The following KAT14 variants were observed in gnomAD, a reference collection of about 807,000 sequenced individuals.
The protein encoded by KAT14 is cysteine-rich protein 2-binding protein.
A neutral mutation model predicts 78.4 loss-of-function variants in KAT14; 66 were observed. The ratio of observed to expected loss-of-function variants is 0.84; its 90% CI spans 0.69 to 1.03. The LOEUF is 1.03. Ranked by LOEUF, KAT14 falls within the 50% of genes least tolerant of loss-of-function variation. The probability of loss-of-function intolerance (pLI) is 0.00; values close to 1 mark genes in which losing one functional copy is unlikely to be tolerated. For missense variants in KAT14, 870 were observed against 972.5 expected, an observed-to-expected ratio of 0.89 and a Z score of 1.40; for synonymous variants, 344 against 359.4, an observed-to-expected ratio of 0.96 and a Z score of 0.48.
At chr20:18,184,250 T>C (rs1439060111) in intron 9 of KAT14, among the ~76,000 whole-genome samples, 2 of 152,198 alleles carry the variant, frequency 1.3e-5, no homozygotes, top group East Asian at 3.8e-4. Flanking sequence ...ATGCTCTTCA[T>C]CTTACATATT....
rs1011364858 is a variant in KAT14 at position 18,158,965 on chromosome 20, C to A, written c.501-119C>A. Reference sequence around the variant, plus strand: ...TCTCTCCTGCCTCTCGTGCTCTGCTCCTTCAGTAGCTGGAGGTGCCATTGC... The same window carrying A: ...TCTCTCCTGCCTCTCGTGCTCTGCTACTTCAGTAGCTGGAGGTGCCATTGC... On this transcript the variant is annotated intron_variant, in intron 4 of 10. Transcript: ENST00000688188. 4 of 1,262,186 alleles carry A rather than the reference C, an allele frequency of 3.2e-6. No individual in the cohort carries two copies. In the East Asian group the frequency reaches 8.1e-5, roughly 26 times the overall value. 78.2% of individuals were successfully genotyped at this position (1,262,186 alleles called of 1,614,324 possible).
chr20:18,175,102 C>A (rs984523923), intron 7 of KAT14, among the ~76,000 whole-genome samples: 1 of 152,026 alleles, frequency 6.6e-6, no homozygotes, highest in Non-Finnish European at 1.5e-5. Flanking sequence ...AGCTTTTGAC[C>A]CTGTCAGCAA....
In KAT14 at chr20:18,162,723, C is replaced by A; in HGVS notation, c.1446C>A (p.Ala482=). The stretch of plus-strand genomic sequence containing the variant: ...TGGAAGCTTGTCCCGGTGCTGTTGC[C>A]ATGACTCCGGAAGCTCGGAGACTGA... The part of the protein sequence containing the change: ...KRLEACPGAV[A]MTPEARRLKR... Residue 482 remains alanine (A), a synonymous_variant, in exon 7 of 11, where the codon GCC becomes GCA. Transcript: ENST00000688188. The A allele has an allele frequency of 6.2e-7, 1 of 1,614,202 alleles. No individual in the cohort carries two copies. The highest frequency in any genetic ancestry group is 1.1e-5 in the South Asian group (1 of 91,086).
chr20:18,187,722 C>T lies in KAT14; in HGVS notation c.*263C>T, dbSNP rs1316614694. On this transcript the variant is annotated 3_prime_UTR_variant, in exon 11 of 11. Coordinates refer to ENST00000688188, the MANE Select transcript of KAT14 (RefSeq NM_001392073.1). ...GTTATTTATGAATGATGTCGTGATT[C>T]TCCCTCCACCTGACAGTTTGTAAGA... 12 of 454,680 alleles carry T rather than the reference C, an allele frequency of 2.6e-5. No homozygotes were observed. The East Asian group carries it at 4.6e-4, about 17-fold the overall frequency. 28.2% of individuals were successfully genotyped at this position (454,680 alleles called of 1,614,324 possible). A position where few individuals can be genotyped will look rare whatever the true frequency, so the allele number is the denominator to read the frequency against.
intron 2 of KAT14, among the ~76,000 whole-genome samples, chr20:18,143,946 CAA>C (rs1464095593): frequency 6.6e-6 from 1 of 152,196 alleles, no homozygotes; most frequent in Non-Finnish European, 1.5e-5. Flanking sequence ...TTGAGATTTT[CAA>C]TGGCCAGCTT....
intron 5 of KAT14, among the ~76,000 whole-genome samples, chr20:18,160,227 G>T (rs1443042435): frequency 6.6e-6 from 1 of 152,126 alleles, no homozygotes; most frequent in African/African-American, 2.4e-5. Context: ...TTAAAAATAT[G>T]ATTGGGAAGA....
Position 18,137,977 on chromosome 20 carries a change from G to T in KAT14, c.-528G>T. 1 of 1,505,302 alleles carries T rather than the reference G, an allele frequency of 6.6e-7. No individual in the cohort carries two copies. Among genetic ancestry groups the T allele is most frequent in the Non-Finnish European group, 8.8e-7 (1 of 1,133,986 alleles). The allele number at this position is 1,505,302 out of a possible 1,614,324, so 93.2% of individuals were successfully genotyped here. Reference sequence around the variant, plus strand: ...GGGGATGTCTAGGAGCTCGAAGGTGGTGCTGGGCCTCTCGGTGCTGCTGAC... The same window carrying T: ...GGGGATGTCTAGGAGCTCGAAGGTGTTGCTGGGCCTCTCGGTGCTGCTGAC... On this transcript the variant is annotated 5_prime_UTR_variant, in exon 1 of 11. Coordinates refer to ENST00000688188, the MANE Select transcript of KAT14 (RefSeq NM_001392073.1).
At position 18,143,615 on chromosome 20, in the gene KAT14, A is replaced by ATTTTTTTTTTTTTTTTTTTTTTTTTTTT. The variant is rs201858697; in HGVS notation, c.259+707_259+708insTTTTTTTTTTTTTTTTTTTTTTTTTTTT. ...TAGTGTTTGCCAGCACACCTGGCTA[A>ATTTTTTTTTTTTTTTTTTTTTTTTTTTT]TTTTTTTTTTTATTTTATTTTTTTT... On this transcript the variant is annotated intron_variant, in intron 2 of 10. Coordinates refer to ENST00000688188, the MANE Select transcript of KAT14 (RefSeq NM_001392073.1). Among the ~76,000 whole-genome samples, 3 of 103,998 alleles carry ATTTTTTTTTTTTTTTTTTTTTTTTTTTT rather than the reference A, an allele frequency of 2.9e-5. 1 individual carries two copies. Among genetic ancestry groups the ATTTTTTTTTTTTTTTTTTTTTTTTTTTT allele is most frequent in the African/African-American group, 1.1e-4 (3 of 27,488 alleles). The allele number at this position is 103,998 out of a possible 152,430, so 68.2% of individuals were successfully genotyped here. A position where few individuals can be genotyped will look rare whatever the true frequency, so the allele number is the denominator to read the frequency against.
intron 7 of KAT14, among the ~76,000 whole-genome samples, chr20:18,163,944 C>A (rs1213193692): frequency 6.6e-6 from 1 of 152,216 alleles, no homozygotes; most frequent in Non-Finnish European, 1.5e-5. Flanking sequence ...ATAAGTATTT[C>A]TGCCAGATAG....
At chr20:18,161,247 C>G (rs1043737522) in intron 5 of KAT14, among the ~76,000 whole-genome samples, 19 of 151,526 alleles carry the variant, frequency 1.3e-4, no homozygotes, top group Non-Finnish European at 4.4e-5. Flanking sequence ...TGAGCTTTAT[C>G]AAACTTTTTT....
At chr20:18,173,625 CTT>C (rs11475865) in intron 7 of KAT14, among the ~76,000 whole-genome samples, 18,380 of 139,876 alleles carry the variant, frequency 0.13, 1,403 homozygotes, top group African/African-American at 0.24. Context: ...ACCATTACTT[CTT>C]TTTTTTTTTT....
chr20:18,169,412 C>T (rs569378520), intron 7 of KAT14, among the ~76,000 whole-genome samples: 12 of 152,226 alleles, frequency 7.9e-5, no homozygotes, highest in African/African-American at 2.6e-4. Context: ...CACGTTTTGG[C>T]AGTTTTTGCA....
At chr20:18,158,331 T>C (rs1007222474) in intron 4 of KAT14, among the ~76,000 whole-genome samples, 42 of 152,256 alleles carry the variant, frequency 2.8e-4, no homozygotes, top group Non-Finnish European at 8.8e-5. Context: ...TCAGAATGGT[T>C]TTCCTTTGCC....
At chr20:18,171,676 G>C (rs918976829) in intron 7 of KAT14, among the ~76,000 whole-genome samples, 3 of 152,156 alleles carry the variant, frequency 2.0e-5, no homozygotes, top group African/African-American at 7.2e-5. Context: ...GCCAGGCGTG[G>C]TGGTGTACAC....
At position 18,142,518 on chromosome 20, in the gene KAT14, C is replaced by G; in HGVS notation, c.-143C>G. ...CATATAAGTTACTGCTTTCAGGGTC[C>G]CTTATATCTGAATAAAGGAGTGTGG... On this transcript the variant is annotated 5_prime_UTR_variant, in exon 2 of 11. Transcript: ENST00000688188. 1 of 1,469,852 alleles carries G rather than the reference C, an allele frequency of 6.8e-7. No individual in the cohort carries two copies. Among genetic ancestry groups the G allele is most frequent in the Non-Finnish European group, 9.0e-7 (1 of 1,112,100 alleles). 91.1% of individuals were successfully genotyped at this position (1,469,852 alleles called of 1,614,324 possible).
intron 7 of KAT14, among the ~76,000 whole-genome samples, chr20:18,179,708 G>A (rs1042790449): frequency 2.0e-5 from 3 of 152,082 alleles, no homozygotes; most frequent in South Asian, 2.1e-4. Context: ...ATTAACATTC[G>A]GCTCCTTGTT....
At chr20:18,164,977 A>G (rs2038588404) in intron 7 of KAT14, among the ~76,000 whole-genome samples, 1 of 152,060 alleles carries the variant, frequency 6.6e-6, no homozygotes, top group Non-Finnish European at 1.5e-5. Flanking sequence ...TACTGCCTAT[A>G]CTTAATTTTT....
At chr20:18,140,864 A>G (rs919701122) in intron 1 of KAT14, among the ~76,000 whole-genome samples, 15 of 146,400 alleles carry the variant, frequency 1.0e-4, no homozygotes, top group Non-Finnish European at 1.8e-4. Context: ...AAAAAACCCT[A>G]TTTATTTATT....
rs775783788 is a variant in KAT14, at chr20:18,184,602, G to T, written c.1982G>T (p.Gly661Val). 6.2e-7 allele frequency: 1 copy of T among 1,603,868 alleles called. No homozygotes were observed. The highest frequency in any genetic ancestry group is 1.1e-5 in the South Asian group (1 of 88,588). Residue 661 changes from glycine to valine, a missense_variant and splice_region_variant, in exon 10 of 11, where the codon GGC becomes GTC. Coordinates refer to ENST00000688188, the MANE Select transcript of KAT14 (RefSeq NM_001392073.1). ...NSMCQEFFWPGIDLSECLQYP... is the reference protein window; with the variant it reads ...NSMCQEFFWPVIDLSECLQYP... Reference sequence around the variant, plus strand: ...GTCTCCGATGGTTTCTTTTCTTTAGGCATTGACCTGTCTGAGTGTCTGCAG... The same window carrying T: ...GTCTCCGATGGTTTCTTTTCTTTAGTCATTGACCTGTCTGAGTGTCTGCAG...
Sources: allele counts gnomAD v4.1 joint callset (sites outside exome capture counted in the v4.1 genomes callset), GRCh38; gene constraint gnomAD v4.1.1; transcripts MANE v1.5; gene names NCBI Gene and HGNC (gene_info 2026-07-23, HGNC 2026-07-21).